The following GRM5 variants were observed in gnomAD, a reference collection of about 807,000 sequenced individuals.
The protein encoded by GRM5 is glutamate metabotropic receptor 5.
A neutral mutation model predicts 83.1 loss-of-function variants in GRM5; 19 were observed. The observed-to-expected ratio is 0.23, with a 90% CI of 0.16 to 0.34. The LOEUF (loss-of-function observed/expected upper bound fraction) is 0.34, where lower values mean the gene tolerates loss of function less well. Ranked by LOEUF, GRM5 falls within the 10% of genes least tolerant of loss-of-function variation. The probability of loss-of-function intolerance (pLI) is 1.00; values close to 1 mark genes in which losing one functional copy is unlikely to be tolerated. For missense variants in GRM5, 1,160 were observed against 1,588.3 expected (o/e 0.73, Z 4.58); for synonymous variants, 675 against 633.6 (o/e 1.07, Z -0.98).
intron 4 of GRM5, among the ~76,000 whole-genome samples, chr11:88,620,253 C>T (rs537545830): frequency 1.3e-5 from 2 of 152,322 alleles, no homozygotes; most frequent in South Asian, 4.1e-4. Flanking sequence ...TCCATAGTTT[C>T]TAACACCATG....
At chr11:88,852,533 T>TA (rs1041205977) in intron 2 of GRM5, among the ~76,000 whole-genome samples, 1 of 152,002 alleles carries the variant, frequency 6.6e-6, no homozygotes, top group Non-Finnish European at 1.5e-5. Flanking sequence ...TACACTAGAC[T>TA]AAAAAATTAA....
At chr11:89,023,449 C>T (rs1223734169) in intron 2 of GRM5, among the ~76,000 whole-genome samples, 1 of 152,098 alleles carries the variant, frequency 6.6e-6, no homozygotes, top group Non-Finnish European at 1.5e-5. Flanking sequence ...CAGAGTAATA[C>T]AGAGTAGATC....
At chr11:88,791,572 G>C (rs931537874) in intron 3 of GRM5, among the ~76,000 whole-genome samples, 2 of 152,048 alleles carry the variant, frequency 1.3e-5, no homozygotes, top group African/African-American at 4.8e-5. Context: ...TTGATAACTT[G>C]ATAACTTGGA....
At chr11:88,788,501 C>T (rs560574658) in intron 3 of GRM5, among the ~76,000 whole-genome samples, 1 of 152,166 alleles carries the variant, frequency 6.6e-6, no homozygotes, top group South Asian at 2.1e-4. Context: ...ATTCCATTTA[C>T]CAAAAGTATT....
chr11:88,626,043 C>T (rs1260501213), intron 4 of GRM5, among the ~76,000 whole-genome samples: 1 of 151,908 alleles, frequency 6.6e-6, no homozygotes, highest in African/African-American at 2.4e-5. Context: ...ACCAGATTAC[C>T]TCACACTAAA....
At chr11:89,023,349 G>A (rs1404965889) in intron 2 of GRM5, among the ~76,000 whole-genome samples, 3 of 151,870 alleles carry the variant, frequency 2.0e-5, no homozygotes, top group South Asian at 2.1e-4. Flanking sequence ...CTTCCCAGAC[G>A]CATCCTACCT....
At chr11:88,954,506 T>C (rs189654297) in intron 2 of GRM5, among the ~76,000 whole-genome samples, 73 of 152,310 alleles carry the variant, frequency 4.8e-4, no homozygotes, top group Middle Eastern at 6.8e-3. Context: ...TTTAGTAATA[T>C]AATCAGGTCT....
intron 9 of GRM5, among the ~76,000 whole-genome samples, chr11:88,523,301 C>A (rs183833845): frequency 1.1e-4 from 16 of 152,246 alleles, no homozygotes; most frequent in African/African-American, 3.4e-4. Context: ...TGATAGTCAG[C>A]TAAGTTTGCC....
intron 4 of GRM5, among the ~76,000 whole-genome samples, chr11:88,640,588 T>C (rs758419802): frequency 5.3e-5 from 8 of 152,166 alleles, no homozygotes; most frequent in Non-Finnish European, 8.8e-5. Context: ...CTACCCTCCC[T>C]CTTCCCACCA....
At chr11:88,799,829 A>C (rs1007580308) in intron 3 of GRM5, among the ~76,000 whole-genome samples, 1 of 152,174 alleles carries the variant, frequency 6.6e-6, no homozygotes, top group African/African-American at 2.4e-5. Flanking sequence ...ATAGTTTAGA[A>C]AGTTCTTAGC....
At chr11:88,668,617 C>T (rs1424381449) in intron 3 of GRM5, among the ~76,000 whole-genome samples, 1 of 151,984 alleles carries the variant, frequency 6.6e-6, no homozygotes, top group Non-Finnish European at 1.5e-5. Flanking sequence ...ATTTGGTATA[C>T]CCCAGGAATG....
intron 8 of GRM5, among the ~76,000 whole-genome samples, chr11:88,557,610 T>G (rs1189007136): frequency 6.6e-6 from 1 of 152,138 alleles, no homozygotes. Flanking sequence ...CCCTGTCAGC[T>G]TCATCTCCTG....
At chr11:88,617,293 A>T (rs1938510048) in intron 4 of GRM5, among the ~76,000 whole-genome samples, 1 of 152,186 alleles carries the variant, frequency 6.6e-6, no homozygotes, top group South Asian at 2.1e-4. Context: ...ACAGCTAAAA[A>T]TCCTGGACAG....
At chr11:88,785,807 C>T (rs1183093035) in intron 3 of GRM5, among the ~76,000 whole-genome samples, 2 of 151,992 alleles carry the variant, frequency 1.3e-5, no homozygotes, top group Non-Finnish European at 2.9e-5. Flanking sequence ...TGGTTAGCAA[C>T]AATAGTAGTG....
chr11:88,994,375 A>G, intron 2 of GRM5, among the ~76,000 whole-genome samples: 1 of 150,816 alleles, frequency 6.6e-6, no homozygotes, highest in Non-Finnish European at 1.5e-5. Flanking sequence ...AAAAGAGAGA[A>G]AGTATTTTTA....
At chr11:88,989,943 T>C (rs1939901699) in intron 2 of GRM5, among the ~76,000 whole-genome samples, 1 of 150,724 alleles carries the variant, frequency 6.6e-6, no homozygotes, top group South Asian at 2.1e-4. Context: ...AACATCACAA[T>C]TAAAAGAACT....
Position 88,509,188 on chromosome 11 carries a change from G to A in GRM5, c.3043C>T (p.Arg1015Trp), listed in dbSNP as rs1185870115. 1.3e-6 allele frequency: 2 copies of A among 1,534,228 alleles called. No homozygotes were observed. The change falls in exon 10 of 10, where the codon CGG becomes TGG. Residue 1015 changes from arginine to tryptophan, a missense_variant. Physicochemically the swap from Arg to Trp is moderately radical, Grantham distance 101. Transcript: ENST00000305447. ...CTGATGGGCGACGGTGAGCGCGGCC[G>A]CGCGGGCGCCGGGAAGTGCTCCTCA... ...EAEEHFPAPA[R>W]PRSPSPISTL... is the part of the protein sequence containing the mutation.
chr11:88,787,337 A>T (rs548078050), intron 3 of GRM5, among the ~76,000 whole-genome samples: 52 of 152,086 alleles, frequency 3.4e-4, no homozygotes, highest in Non-Finnish European at 6.6e-4. Flanking sequence ...AAGAAATGAA[A>T]TTTTTTTATA....
intron 3 of GRM5, among the ~76,000 whole-genome samples, chr11:88,813,868 C>A (rs1258915283): frequency 1.3e-5 from 2 of 151,854 alleles, no homozygotes; most frequent in African/African-American, 4.8e-5. Context: ...GAAATATTAT[C>A]TTTTTATTTC....
Sources: allele counts gnomAD v4.1 joint callset (sites outside exome capture counted in the v4.1 genomes callset), GRCh38; gene constraint gnomAD v4.1.1; transcripts MANE v1.5; gene names NCBI Gene and HGNC (gene_info 2026-07-23, HGNC 2026-07-21).